SUCLG2: variants seen among roughly 807,000 people sequenced by gnomAD.
The protein encoded by SUCLG2 is succinate--CoA ligase [GDP-forming] subunit beta, mitochondrial.
A neutral mutation model predicts 47.9 loss-of-function variants in SUCLG2; 42 were observed. The observed-to-expected ratio is 0.88, with a 90% CI of 0.69 to 1.14. SUCLG2 has a LOEUF of 1.14. Among genes scored for constraint, SUCLG2 ranks in the 50% most tolerant of loss-of-function variants. SUCLG2 has a pLI of 0.00. For missense variants in SUCLG2, 571 were observed against 525.9 expected, an observed-to-expected ratio of 1.09 and a Z score of -0.84; for synonymous variants, 195 against 197.3, an observed-to-expected ratio of 0.99 and a Z score of 0.10.
chr3:67,391,890 T>C (rs1462583309), intron 10 of SUCLG2, among the ~76,000 whole-genome samples: 4 of 152,138 alleles, frequency 2.6e-5, no homozygotes, highest in Non-Finnish European at 5.9e-5. Context: ...CTTCTATTCT[T>C]TACTCAAGCC....
chr3:67,550,598 G>C (rs1334694414), intron 2 of SUCLG2, among the ~76,000 whole-genome samples: 1 of 152,082 alleles, frequency 6.6e-6, no homozygotes, highest in East Asian at 1.9e-4. Context: ...CCAAGTGCTG[G>C]GGTTATAGGT....
chr3:67,643,641 A>C (rs1269822149), intron 1 of SUCLG2, among the ~76,000 whole-genome samples: 3 of 152,132 alleles, frequency 2.0e-5, no homozygotes, highest in Non-Finnish European at 4.4e-5. Flanking sequence ...ACAACACCAA[A>C]CACATCTCAC....
chr3:67,487,568 TAA>T (rs149144129), intron 9 of SUCLG2, among the ~76,000 whole-genome samples: 3,511 of 149,906 alleles, frequency 0.023, 52 homozygotes, highest in African/African-American at 0.038. Context: ...AATTATGTAA[TAA>T]TGGAAAACTA....
intron 10 of SUCLG2, among the ~76,000 whole-genome samples, chr3:67,364,889 A>G (rs1417485779): frequency 6.6e-6 from 1 of 152,244 alleles, no homozygotes; most frequent in Non-Finnish European, 1.5e-5. Flanking sequence ...ACCATCATAA[A>G]AAATGCTGGC....
At chr3:67,516,844 G>C (rs1000010525) in intron 6 of SUCLG2, among the ~76,000 whole-genome samples, 2 of 152,196 alleles carry the variant, frequency 1.3e-5, no homozygotes, top group Non-Finnish European at 2.9e-5. Context: ...AGTGCAGCTA[G>C]ACCACAGTGG....
At chr3:67,422,149 G>A (rs1300249869) in intron 9 of SUCLG2, among the ~76,000 whole-genome samples, 1 of 151,964 alleles carries the variant, frequency 6.6e-6, no homozygotes, top group Non-Finnish European at 1.5e-5. Flanking sequence ...TAGCTCTGAT[G>A]AGCAATAAAG....
chr3:67,623,362 G>T (rs537006292), intron 1 of SUCLG2, among the ~76,000 whole-genome samples: 1 of 152,090 alleles, frequency 6.6e-6, no homozygotes, highest in Non-Finnish European at 1.5e-5. Flanking sequence ...TTAGCTGGGC[G>T]TGATGGCGGG....
chr3:67,520,896 T>C (rs1208979264), intron 4 of SUCLG2, among the ~76,000 whole-genome samples: 2 of 152,190 alleles, frequency 1.3e-5, no homozygotes, highest in Non-Finnish European at 2.9e-5. Context: ...TAATCTTCTT[T>C]TTTGTCCTTC....
At chr3:67,413,047 T>A (rs1702963829) in intron 9 of SUCLG2, among the ~76,000 whole-genome samples, 1 of 152,192 alleles carries the variant, frequency 6.6e-6, no homozygotes, top group Non-Finnish European at 1.5e-5. Context: ...AGCCATTAAA[T>A]GAGTATTATC....
intron 2 of SUCLG2, among the ~76,000 whole-genome samples, chr3:67,579,124 TTAAAA>T (rs1020567989): frequency 1.3e-5 from 2 of 152,192 alleles, no homozygotes; most frequent in Admixed American, 1.3e-4. Flanking sequence ...GAATTTATAA[TTAAAA>T]TAAAGCTGAA....
intron 2 of SUCLG2, among the ~76,000 whole-genome samples, chr3:67,574,462 C>G (rs144679497): frequency 7.9e-5 from 12 of 152,200 alleles, no homozygotes; most frequent in Non-Finnish European, 1.3e-4. Flanking sequence ...GGTGCCAAGG[C>G]AATTATTGGG....
intron 9 of SUCLG2, among the ~76,000 whole-genome samples, chr3:67,412,124 T>G (rs1702943923): frequency 6.6e-6 from 1 of 152,240 alleles, no homozygotes. Flanking sequence ...TTATCTGTTG[T>G]GTGGAACAGA....
chr3:67,522,017 C>T (rs1374222317), intron 4 of SUCLG2, among the ~76,000 whole-genome samples: 3 of 148,136 alleles, frequency 2.0e-5, no homozygotes, highest in African/African-American at 7.4e-5. Context: ...TTTATTTAAC[C>T]ATGTTCCTGC....
At chr3:67,459,648 A>G (rs1704277021) in intron 9 of SUCLG2, among the ~76,000 whole-genome samples, 1 of 152,256 alleles carries the variant, frequency 6.6e-6, no homozygotes, top group South Asian at 2.1e-4. Context: ...TCTTCGCACC[A>G]AGACTAAATA....
intron 2 of SUCLG2, among the ~76,000 whole-genome samples, chr3:67,540,300 T>C (rs542986401): frequency 3.2e-4 from 49 of 152,078 alleles, no homozygotes; most frequent in Admixed American, 1.9e-3. Context: ...ATTTATCCAC[T>C]GGCTTGAAAT....
chr3:67,557,065 C>G lies in SUCLG2; in HGVS notation c.227-27879G>C, dbSNP rs74789235. Among the ~76,000 whole-genome samples, 318 of 152,244 alleles carry G rather than the reference C, an allele frequency of 2.1e-3. 1 individual carries two copies. The highest frequency in any genetic ancestry group is 7.4e-3 in the African/African-American group (306 of 41,538). ...GCTAGCATGATGACTAGTGTTTATT[C>G]CAAAAGTCTGGTCAATGAATCTCCC... On this transcript the variant is annotated intron_variant, in intron 2 of 10. Transcript: ENST00000307227.
At chr3:67,386,498 T>G (rs6802886) in intron 10 of SUCLG2, among the ~76,000 whole-genome samples, 1 of 152,114 alleles carries the variant, frequency 6.6e-6, no homozygotes, top group Non-Finnish European at 1.5e-5. Flanking sequence ...CACTGGGTAA[T>G]TGATAAAGGA....
chr3:67,425,803 C>T (rs547843690), intron 9 of SUCLG2, among the ~76,000 whole-genome samples: 57 of 152,278 alleles, frequency 3.7e-4, no homozygotes, highest in African/African-American at 1.3e-3. Flanking sequence ...GTTTGGTGAA[C>T]TCTAAAACAG....
intron 2 of SUCLG2, among the ~76,000 whole-genome samples, chr3:67,547,011 T>C (rs568492424): frequency 1.3e-5 from 2 of 152,360 alleles, no homozygotes; most frequent in African/African-American, 4.8e-5. Flanking sequence ...CTAATGTTTT[T>C]TCTATACCCC....
Sources: allele counts gnomAD v4.1 joint callset (sites outside exome capture counted in the v4.1 genomes callset), GRCh38; gene constraint gnomAD v4.1.1; transcripts MANE v1.5; gene names NCBI Gene and HGNC (gene_info 2026-07-23, HGNC 2026-07-21).